The following PEX14 variants were observed in gnomAD, a reference collection of about 807,000 sequenced individuals.
The protein encoded by PEX14 is peroxisomal membrane protein PEX14.
PEX14 carries 15 observed loss-of-function variants against 49.5 expected under a neutral mutation model. The ratio of observed to expected loss-of-function variants is 0.30; its 90% CI spans 0.20 to 0.47. PEX14 has a LOEUF of 0.47. Ranked by LOEUF, PEX14 falls within the 20% of genes least tolerant of loss-of-function variation. The pLI is 1.00. For synonymous variants in PEX14, 210 were observed against 212.7 expected, an observed-to-expected ratio of 0.99 and a Z score of 0.11; for missense variants, 398 against 494.8, an observed-to-expected ratio of 0.80 and a Z score of 1.86.
At chr1:10,475,024 C>T (rs1300410111) in intron 1 of PEX14, 22 bp downstream of exon 1, 3 of 1,601,270 alleles carry the variant, frequency 1.9e-6, no homozygotes, top group Admixed American at 1.7e-5. Context: ...GGGACTGCCC[C>T]GCTGTGCGGC....
Position 10,629,055 on chromosome 1 carries a change from A to C in PEX14, c.678-476A>C, listed in dbSNP as rs1641832346. On this transcript the variant is annotated intron_variant, in intron 8 of 8. Coordinates refer to ENST00000356607, the MANE Select transcript of PEX14 (RefSeq NM_004565.3). This position sits in a 1 kb window ranked among gnomAD's most constrained non-coding sequence, Gnocchi z 8.5. ...TGTGTCTGACCCCCTGCCAGTGGCC[A>C]GGGCTCCCTGCCTCCACCTTTTGCT... Among the ~76,000 whole-genome samples the C allele has an allele frequency of 6.6e-6, 1 of 152,228 alleles. No homozygotes were observed. Among genetic ancestry groups the C allele is most frequent in the Non-Finnish European group, 1.5e-5 (1 of 68,032 alleles).
intron 3 of PEX14, among the ~76,000 whole-genome samples, chr1:10,565,200 C>G (rs913111042): frequency 1.3e-5 from 2 of 152,206 alleles, no homozygotes; most frequent in Admixed American, 1.3e-4. Context: ...CTGCGCCCAG[C>G]CTTTTTTTGT....
chr1:10,627,188 CCCCCA>C, intron 7 of PEX14, 79 bp from the exon 8 acceptor site: 1 of 900,388 alleles, frequency 1.1e-6, no homozygotes, highest in Non-Finnish European at 1.9e-6. Flanking sequence ...CCACCTGCTG[CCCCCA>C]CCCAGGTCCT....
intron 3 of PEX14, among the ~76,000 whole-genome samples, chr1:10,573,137 T>G (rs898231305): frequency 6.6e-6 from 1 of 152,260 alleles, no homozygotes; most frequent in African/African-American, 2.4e-5. Flanking sequence ...TATAATCTTA[T>G]GGGACTACCA....
At chr1:10,567,706 G>A (rs1000983666) in intron 3 of PEX14, among the ~76,000 whole-genome samples, 1 of 152,096 alleles carries the variant, frequency 6.6e-6, no homozygotes, top group African/African-American at 2.4e-5. Flanking sequence ...TGTTGACCAG[G>A]CTGGTCTTGA....
intron 3 of PEX14, among the ~76,000 whole-genome samples, chr1:10,556,382 C>T (rs950462764): frequency 6.6e-6 from 1 of 152,090 alleles, no homozygotes; most frequent in Non-Finnish European, 1.5e-5. Flanking sequence ...TCATTAGGGA[C>T]TTGGGTTGGG....
rs1394822912 is a variant in PEX14, at chr1:10,623,762, C to G, written c.488-578C>G. On this transcript the variant is annotated intron_variant, in intron 6 of 8. Transcript: ENST00000356607. The surrounding 1 kb of genome is among the most constrained non-coding windows in gnomAD (Gnocchi z 4.4). The stretch of plus-strand genomic sequence containing the variant: ...GCACGTTTGTGAAGCTCACAGAAAC[C>G]CTCTGACACGTCCATCCTGCTGCCG... 6.6e-6 allele frequency among the ~76,000 whole-genome samples: 1 copy of G among 152,214 alleles called. No individual in the cohort carries two copies. The highest frequency in any genetic ancestry group is 2.4e-5 in the African/African-American group (1 of 41,454).
At chr1:10,557,795 C>A (rs1210856193) in intron 3 of PEX14, among the ~76,000 whole-genome samples, 3 of 151,972 alleles carry the variant, frequency 2.0e-5, no homozygotes, top group African/African-American at 7.3e-5. Context: ...GCATGGAAAA[C>A]CCTTCCCCCA....
chr1:10,520,148 C>CTTTTTTTTTTTTTTTTTT lies in PEX14; in HGVS notation c.85-16051_85-16050insTTTTTTTTTTTTTTTTTT, dbSNP rs565247030. Among the ~76,000 whole-genome samples the CTTTTTTTTTTTTTTTTTT allele has an allele frequency of 1.0e-3, 71 of 69,178 alleles. 5 individuals are homozygous for CTTTTTTTTTTTTTTTTTT. Among genetic ancestry groups the CTTTTTTTTTTTTTTTTTT allele is most frequent in the South Asian group, 3.3e-3 (8 of 2,442 alleles). The allele number at this position is 69,178 out of a possible 152,430, so 45.4% of individuals were successfully genotyped here. On this transcript the variant is annotated intron_variant, in intron 2 of 8. Transcript: ENST00000356607. ...AGCTGTTGTGCCTGGCCTTCTTCTT[C>CTTTTTTTTTTTTTTTTTT]TTTTTTTTTTTTTTGTTTTTTTAAC... is the stretch of plus-strand genomic sequence containing the variant.
chr1:10,586,945 A>T (rs929614589), intron 3 of PEX14, among the ~76,000 whole-genome samples: 2 of 151,968 alleles, frequency 1.3e-5, no homozygotes, highest in African/African-American at 4.8e-5. Context: ...ATTATCCCAC[A>T]TATATAAAAT....
intron 2 of PEX14, among the ~76,000 whole-genome samples, chr1:10,525,480 A>G (rs1416142591): frequency 1.3e-5 from 2 of 152,186 alleles, no homozygotes; most frequent in Non-Finnish European, 1.5e-5. Flanking sequence ...CCTGACCACC[A>G]ACTTGTCCCT....
rs1473647107 is a variant in PEX14 at position 10,623,310 on chromosome 1, G to A, written c.487+189G>A. 8.5e-6 allele frequency: 5 copies of A among 591,228 alleles called. No homozygotes were observed. Among genetic ancestry groups the A allele is most frequent in the East Asian group, 3.1e-5 (1 of 32,662 alleles). 36.6% of individuals were successfully genotyped at this position (591,228 alleles called of 1,614,324 possible). On this transcript the variant is annotated intron_variant, in intron 6 of 8. Coordinates refer to ENST00000356607, the MANE Select transcript of PEX14 (RefSeq NM_004565.3). This position sits in a 1 kb window ranked among gnomAD's most constrained non-coding sequence, Gnocchi z 4.4. ...AATTTGAAATTGCTTGTTTACTGTC[G>A]GCGCGGCCTCAATTAATTATGTTTT...
At chr1:10,618,740 C>T (rs529912341) in intron 5 of PEX14, among the ~76,000 whole-genome samples, 6 of 152,340 alleles carry the variant, frequency 3.9e-5, no homozygotes, top group African/African-American at 1.2e-4. Context: ...GGAAGCCGTG[C>T]GAGCAGTTTT....
intron 2 of PEX14, among the ~76,000 whole-genome samples, chr1:10,499,568 C>T (rs1170507735): frequency 6.6e-6 from 1 of 151,710 alleles, no homozygotes; most frequent in Non-Finnish European, 1.5e-5. Context: ...CCTGCCTCAG[C>T]CTCCAGAGTA....
intron 2 of PEX14, among the ~76,000 whole-genome samples, chr1:10,516,436 C>T (rs543449588): frequency 4.6e-5 from 7 of 152,300 alleles, no homozygotes; most frequent in East Asian, 1.9e-4. Flanking sequence ...CCTTGAGAAA[C>T]GGTTATCAGA....
intron 4 of PEX14, among the ~76,000 whole-genome samples, chr1:10,609,810 G>A (rs1354897186): frequency 4.6e-5 from 7 of 152,018 alleles, no homozygotes; most frequent in African/African-American, 9.7e-5. Context: ...CCATGAACCC[G>A]GGAGGCGGAG....
intron 3 of PEX14, among the ~76,000 whole-genome samples, chr1:10,591,738 T>G (rs906810921): frequency 1.3e-5 from 2 of 151,996 alleles, no homozygotes; most frequent in Non-Finnish European, 2.9e-5. Context: ...TTTGGCTTTC[T>G]TCTTTCGGGG....
At chr1:10,519,747 T>C (rs1190913157) in intron 2 of PEX14, among the ~76,000 whole-genome samples, 1 of 152,236 alleles carries the variant, frequency 6.6e-6, no homozygotes, top group East Asian at 1.9e-4. Context: ...GTGAGAATAT[T>C]CATTTCTACT....
intron 4 of PEX14, among the ~76,000 whole-genome samples, chr1:10,600,492 G>A (rs1182101650): frequency 6.6e-6 from 1 of 151,974 alleles, no homozygotes; most frequent in Non-Finnish European, 1.5e-5. Context: ...CAAGGCAGGC[G>A]GATCACTTGA....
Sources: gnomAD v4.1 joint callset for allele counts (sites outside exome capture counted in the v4.1 genomes callset) on GRCh38, gnomAD v4.1.1 for gene constraint, Gnocchi (gnomAD v3.1) non-coding constraint, MANE v1.5 for transcripts, NCBI Gene and HGNC (gene_info 2026-07-23, HGNC 2026-07-21) for gene names.